Variants in DOCK10 observed in about 807,000 individuals in gnomAD.
DOCK10 encodes dedicator of cytokinesis 10.
A neutral mutation model predicts 280.1 loss-of-function variants in DOCK10; 145 were observed. The observed-to-expected ratio is 0.52, with a 90% CI of 0.45 to 0.59. DOCK10 has a LOEUF of 0.59. Ranked by LOEUF, DOCK10 falls within the 20% of genes least tolerant of loss-of-function variation. The pLI, the probability that DOCK10 is intolerant of heterozygous loss-of-function variation, is 0.00. For synonymous variants in DOCK10, 915 were observed against 942.2 expected (o/e 0.97, Z 0.53); for missense variants, 2,368 against 2,651.7 (o/e 0.89, Z 2.35).
intron 3 of DOCK10, among the ~76,000 whole-genome samples, chr2:224,916,266 C>T (rs12470482): frequency 0.23 from 35,137 of 152,200 alleles, 4,555 homozygotes; most frequent in Non-Finnish European, 0.28. Context: ...CATGGCCGGA[C>T]GCGGTGGCTC....
chr2:224,844,701 C>A, intron 22 of DOCK10, 52 bp downstream of exon 22: 1 of 1,154,744 alleles, frequency 8.7e-7, no homozygotes, highest in South Asian at 1.3e-5. Flanking sequence ...GGAATTACCT[C>A]ATGATGCTGT....
rs749273458 is a variant in DOCK10, at chr2:224,805,663, G to A, written c.3815-134C>T. On this transcript the variant is annotated intron_variant, in intron 34 of 55. Coordinates refer to ENST00000258390, the MANE Select transcript of DOCK10 (RefSeq NM_014689.3). The surrounding 1 kb of genome is among the most constrained non-coding windows in gnomAD (Gnocchi z 4.3). ...TGTTGTCAAAGACCAACATAACAGC[G>A]TCTGGGATTGGCATTAAAGCCAGCT... is the stretch of plus-strand genomic sequence containing the variant. 47 of 1,151,094 alleles carry A rather than the reference G, an allele frequency of 4.1e-5. No homozygotes were observed. Among genetic ancestry groups the A allele is most frequent in the South Asian group, 6.2e-5 (4 of 64,060 alleles). 71.3% of individuals were successfully genotyped at this position (1,151,094 alleles called of 1,614,324 possible).
At chr2:224,880,757 C>A (rs1479073141) in intron 7 of DOCK10, among the ~76,000 whole-genome samples, 1 of 152,204 alleles carries the variant, frequency 6.6e-6, no homozygotes, top group African/African-American at 2.4e-5. Context: ...ATCACTCAAG[C>A]CAATGGTGGA....
At chr2:225,004,670 T>C (rs1002674510) in intron 1 of DOCK10, among the ~76,000 whole-genome samples, 1 of 152,236 alleles carries the variant, frequency 6.6e-6, no homozygotes, top group Admixed American at 6.5e-5. Flanking sequence ...GCTCTAGGCA[T>C]GAAGCCACAT....
At chr2:224,773,489 C>T in intron 52 of DOCK10, 142 bp from the exon 53 acceptor site, 3 of 719,348 alleles carry the variant, frequency 4.2e-6, no homozygotes, top group Non-Finnish European at 6.8e-6. Context: ...ATGGGAGTTA[C>T]TTTTTCTGCT....
rs1482428590 is a variant in DOCK10, at chr2:224,765,850, A to G, written c.6445-13T>C. On this transcript the variant is annotated splice_polypyrimidine_tract_variant and intron_variant, in intron 55 of 55. Coordinates refer to ENST00000258390, the MANE Select transcript of DOCK10 (RefSeq NM_014689.3). ...CCCTGCCCGTAATCTTAAAACAGGG[A>G]AAAACACAACACAACAGAATGCAGA... 6.2e-7 allele frequency: 1 copy of G among 1,600,424 alleles called. No homozygotes were observed. The highest frequency in any genetic ancestry group is 2.2e-5 in the East Asian group (1 of 44,758).
Position 224,931,684 on chromosome 2 carries a change from A to C in DOCK10, c.124-16T>G. 1 of 1,575,538 alleles carries C rather than the reference A, an allele frequency of 6.3e-7. No homozygotes were observed. Among genetic ancestry groups the C allele is most frequent in the South Asian group, 1.2e-5 (1 of 85,870 alleles). On this transcript the variant is annotated splice_polypyrimidine_tract_variant and intron_variant, in intron 1 of 55. Coordinates refer to ENST00000258390, the MANE Select transcript of DOCK10 (RefSeq NM_014689.3). Reference sequence around the variant, plus strand: ...GCTTTTCTTGCTGTAGAAAAAGAAAATATGGTATTAATCACTGACATACAC... The same window carrying C: ...GCTTTTCTTGCTGTAGAAAAAGAAACTATGGTATTAATCACTGACATACAC...
chr2:224,820,826 T>C (rs1319734910), intron 28 of DOCK10, among the ~76,000 whole-genome samples: 1 of 152,224 alleles, frequency 6.6e-6, no homozygotes, highest in Non-Finnish European at 1.5e-5. Context: ...CTCTCTAATA[T>C]TAGGTGATTT....
chr2:224,968,035 G>A (rs975897946), intron 1 of DOCK10, among the ~76,000 whole-genome samples: 1 of 152,068 alleles, frequency 6.6e-6, no homozygotes, highest in African/African-American at 2.4e-5. Flanking sequence ...TGGAAATCAC[G>A]AGCTGAATTT....
intron 1 of DOCK10, among the ~76,000 whole-genome samples, chr2:224,987,737 A>G (rs1393722278): frequency 6.6e-6 from 1 of 152,198 alleles, no homozygotes; most frequent in Non-Finnish European, 1.5e-5. Flanking sequence ...AGAGTATTCT[A>G]GCTCCCCAAA....
intron 1 of DOCK10, among the ~76,000 whole-genome samples, chr2:224,989,980 G>A (rs1352642973): frequency 1.3e-5 from 2 of 151,958 alleles, no homozygotes; most frequent in African/African-American, 2.4e-5. Context: ...CATCTTTCCC[G>A]TGTGCTGACA....
Position 224,808,092 on chromosome 2 carries a change from T to C in DOCK10, c.3410-6A>G, listed in dbSNP as rs1414172321. The C allele has an allele frequency of 6.2e-7, 1 of 1,607,338 alleles. No homozygotes were observed. The highest frequency in any genetic ancestry group is 2.2e-5 in the East Asian group (1 of 44,724). On this transcript the variant is annotated splice_region_variant and splice_polypyrimidine_tract_variant and intron_variant, in intron 31 of 55. Coordinates refer to ENST00000258390, the MANE Select transcript of DOCK10 (RefSeq NM_014689.3). ...GACTGAATATTCAGGCATATCTTTGTGAGGAAGGAAAATAACTCATGTTAT... is the reference window on the plus strand; with the variant it reads ...GACTGAATATTCAGGCATATCTTTGCGAGGAAGGAAAATAACTCATGTTAT...
chr2:224,770,109 A>G lies in DOCK10; in HGVS notation c.6444+102T>C, dbSNP rs563317129. On this transcript the variant is annotated intron_variant, in intron 55 of 55. Transcript: ENST00000258390. This position sits in a 1 kb window ranked among gnomAD's most constrained non-coding sequence, Gnocchi z 4.5. ...TCAGCAACATGGTGCTGATGCAGTG[A>G]TTTCTGCAGCAAGAAAAGGGCCTCT... The G allele has an allele frequency of 7.5e-7, 1 of 1,325,636 alleles. No individual in the cohort carries two copies. The highest frequency in any genetic ancestry group is 2.6e-5 in the East Asian group (1 of 38,432). 82.1% of individuals were successfully genotyped at this position (1,325,636 alleles called of 1,614,324 possible). A position where few individuals can be genotyped will look rare whatever the true frequency, so the allele number is the denominator to read the frequency against.
At chr2:224,897,739 C>A (rs1455199283) in intron 3 of DOCK10, among the ~76,000 whole-genome samples, 3 of 152,112 alleles carry the variant, frequency 2.0e-5, no homozygotes, top group African/African-American at 7.2e-5. Flanking sequence ...AACTGATAAG[C>A]AAAAATGATT....
intron 2 of DOCK10, among the ~76,000 whole-genome samples, chr2:224,930,381 C>A (rs577597387): frequency 1.6e-4 from 24 of 152,186 alleles, no homozygotes; most frequent in African/African-American, 5.8e-4. Context: ...GAGATCTCTG[C>A]ACGAGATAAG....
intron 31 of DOCK10, among the ~76,000 whole-genome samples, chr2:224,813,583 A>C (rs1207384923): frequency 1.3e-5 from 2 of 152,246 alleles, no homozygotes; most frequent in Non-Finnish European, 2.9e-5. Context: ...CACTAGGCTA[A>C]GCACTTTATG....
chr2:224,795,866 T>C (rs748822908), intron 44 of DOCK10, among the ~76,000 whole-genome samples: 4 of 152,126 alleles, frequency 2.6e-5, no homozygotes, highest in Non-Finnish European at 4.4e-5. Context: ...AGTGTCATTG[T>C]ATTTCTGGAT....
intron 31 of DOCK10, among the ~76,000 whole-genome samples, chr2:224,810,288 T>C (rs982258659): frequency 6.6e-6 from 1 of 152,096 alleles, no homozygotes; most frequent in African/African-American, 2.4e-5. Flanking sequence ...ATTAAAGAAG[T>C]TAACCTCATA....
intron 11 of DOCK10, among the ~76,000 whole-genome samples, chr2:224,871,344 C>T (rs576020990): frequency 1.3e-5 from 2 of 152,108 alleles, no homozygotes; most frequent in Non-Finnish European, 2.9e-5. Flanking sequence ...TCCAGTATAT[C>T]CAATACATTA....
Sources: gnomAD v4.1 joint callset for allele counts (sites outside exome capture counted in the v4.1 genomes callset) on GRCh38, gnomAD v4.1.1 for gene constraint, Gnocchi (gnomAD v3.1) non-coding constraint, MANE v1.5 for transcripts, NCBI Gene and HGNC (gene_info 2026-07-23, HGNC 2026-07-21) for gene names.